The following ELF1 variants were observed in gnomAD, a reference collection of about 807,000 sequenced individuals.
ELF1 encodes ETS-related transcription factor Elf-1.
In ELF1, 24 loss-of-function variants were observed where a neutral mutation model predicts 59.9. The ratio of observed to expected loss-of-function variants is 0.40; its 90% confidence interval spans 0.29 to 0.56. The LOEUF (loss-of-function observed/expected upper bound fraction) is 0.56. ELF1 is among the 20% of genes least tolerant of loss of function. The pLI is 0.44. For missense variants in ELF1, 627 were observed against 742.2 expected, an observed-to-expected ratio of 0.84 and a Z score of 1.80; for synonymous variants, 248 against 266.2, an observed-to-expected ratio of 0.93 and a Z score of 0.67.
chr13:41,005,243 G>A (rs867539044), intron 1 of ELF1, among the ~76,000 whole-genome samples: 4 of 151,922 alleles, frequency 2.6e-5, no homozygotes, highest in Admixed American at 1.3e-4. Flanking sequence ...CAATATGCAC[G>A]CAAAGACTCA....
intron 1 of ELF1, among the ~76,000 whole-genome samples, chr13:40,988,140 A>G (rs1366534963): frequency 6.6e-6 from 1 of 152,220 alleles, no homozygotes; most frequent in Admixed American, 6.5e-5. Flanking sequence ...CCCAGCAGAA[A>G]TGAAGTCAGT....
At chr13:40,958,465 AG>A (rs1275160756) in intron 3 of ELF1, among the ~76,000 whole-genome samples, 1 of 152,028 alleles carries the variant, frequency 6.6e-6, no homozygotes, top group African/African-American at 2.4e-5. Flanking sequence ...AGGCTAAGGC[AG>A]GAGGATCACT....
upstream of ELF1, among the ~76,000 whole-genome samples, chr13:41,022,618 C>G (rs1418068690): frequency 6.6e-6 from 1 of 152,212 alleles, no homozygotes; most frequent in Admixed American, 6.5e-5. Context: ...CGTTGGCTCA[C>G]GCTTGTAATC....
At chr13:41,044,328 A>C (rs969278316) in intron 1 of ELF1, among the ~76,000 whole-genome samples, 1 of 152,152 alleles carries the variant, frequency 6.6e-6, no homozygotes, top group African/African-American at 2.4e-5. Flanking sequence ...AACTTCCAAC[A>C]CTATGTGGAA....
At chr13:40,975,234 T>G (rs1008458412) in intron 2 of ELF1, among the ~76,000 whole-genome samples, 15 of 152,160 alleles carry the variant, frequency 9.9e-5, no homozygotes, top group African/African-American at 3.4e-4. Context: ...CCTTCTACCT[T>G]ACTTTATGAG....
At chr13:40,964,051 T>A (rs886211385) in intron 2 of ELF1, among the ~76,000 whole-genome samples, 3 of 152,098 alleles carry the variant, frequency 2.0e-5, no homozygotes, top group African/African-American at 7.2e-5. Flanking sequence ...AAATGCACAC[T>A]CCTGAAACTC....
At chr13:41,014,655 A>G (rs1875254360) in intron 1 of ELF1, among the ~76,000 whole-genome samples, 1 of 152,188 alleles carries the variant, frequency 6.6e-6, no homozygotes. Context: ...GAGTTGACTC[A>G]ATAATGGTAC....
rs76892331 is a variant in ELF1, at chr13:41,048,510, C to T, written c.-229+12328G>A. On this transcript the variant is annotated intron_variant, in intron 1 of 1. Transcript: ENST00000405737. ...CACAGCTTACTGCAGCCTTGACCTC[C>T]AGGGCTCGAGTGATCTCACCTCAGC... Among the ~76,000 whole-genome samples, 544 of 152,162 alleles carry T rather than the reference C, an allele frequency of 3.6e-3. 23 individuals carry two copies. The East Asian group carries it at 0.093, about 26-fold the overall frequency.
At chr13:41,016,929 AAAAAAAAAAAAAAAAAAAAT>A (rs1176268259) in intron 1 of ELF1, among the ~76,000 whole-genome samples, 4 of 85,730 alleles carry the variant, frequency 4.7e-5, no homozygotes, top group Non-Finnish European at 9.3e-5. Flanking sequence ...AAAAAAAAAA[AAAAAAAAAAAAAAAAAAAAT>A]ATATATATAT....
At position 40,969,716 on chromosome 13, in the gene ELF1, T is replaced by A. The variant is rs967128524; in HGVS notation, c.73-10700A>T. On this transcript the variant is annotated intron_variant, in intron 2 of 8. Transcript: ENST00000239882. ...AAACTGTTTAAATTAGTTCATTAAA[T>A]TTTTAAGACAGGGTCTCTGTCAGTG... Among the ~76,000 whole-genome samples the A allele has an allele frequency of 1.1e-4, 17 of 152,162 alleles. 1 individual carries two copies. The highest frequency in any genetic ancestry group is 3.9e-4 in the African/African-American group (16 of 41,440).
chr13:41,031,818 CAAAAAAAA>C lies in ELF1; in HGVS notation c.-229+29012_-229+29019del, dbSNP rs3072004. ...TGGGCAACAGAGCAAGACTCCGTGT[CAAAAAAAA>C]AAAAAAAAAAAAAAGTCTCCTCATC... On this transcript the variant is annotated intron_variant, in intron 1 of 1. Coordinates refer to the ELF1 transcript ENST00000405737. Among the ~76,000 whole-genome samples the C allele has an allele frequency of 3.4e-3, 276 of 82,192 alleles. 4 individuals are homozygous for C. The East Asian group carries it at 0.075, about 22-fold the overall frequency. The allele number at this position is 82,192 out of a possible 152,430, so 53.9% of individuals were successfully genotyped here. A position where few individuals can be genotyped will look rare whatever the true frequency, so the allele number is the denominator to read the frequency against.
rs185389908 is a variant in ELF1, at chr13:41,042,157, G to C, written c.-229+18681C>G. On this transcript the variant is annotated intron_variant, in intron 1 of 1. Coordinates refer to the ELF1 transcript ENST00000405737. Reference sequence around the variant, plus strand: ...CCTACCTGAGCCTCCTGAGTACCTAGGATTACAGCTGCATGCCACCACACC... The same window carrying C: ...CCTACCTGAGCCTCCTGAGTACCTACGATTACAGCTGCATGCCACCACACC... Among the ~76,000 whole-genome samples, 369 of 152,214 alleles carry C rather than the reference G, an allele frequency of 2.4e-3. 2 individuals carry two copies. The highest frequency in any genetic ancestry group is 8.5e-3 in the African/African-American group (354 of 41,528).
chr13:40,945,734 G>A (rs968665818), intron 5 of ELF1, among the ~76,000 whole-genome samples: 1 of 152,152 alleles, frequency 6.6e-6, no homozygotes, highest in Non-Finnish European at 1.5e-5. Flanking sequence ...CTCCATGTCT[G>A]TAACTGTTTC....
At chr13:41,019,459 T>C (rs1035832812), upstream of ELF1, 2 of 953,434 alleles carry the variant, frequency 2.1e-6, no homozygotes, top group African/African-American at 3.5e-5. Context: ...TATAGGAAAG[T>C]GGGGATGAAG....
At position 41,035,878 on chromosome 13, in the gene ELF1, C is replaced by T. The variant is rs954403887; in HGVS notation, c.-229+24960G>A. Among the ~76,000 whole-genome samples the T allele has an allele frequency of 1.1e-4, 17 of 149,534 alleles. No homozygotes were observed. In the East Asian group the frequency reaches 1.9e-3, roughly 17 times the overall value. On this transcript the variant is annotated intron_variant, in intron 1 of 1. Transcript: ENST00000405737. ...CAACAACAACAACAACAAAAATTGA[C>T]GACAACAAAAAACCTTTTCTTTTTT...
At chr13:40,970,370 C>G (rs1036688606) in intron 2 of ELF1, among the ~76,000 whole-genome samples, 9 of 152,156 alleles carry the variant, frequency 5.9e-5, no homozygotes, top group African/African-American at 2.2e-4. Flanking sequence ...GATTCTAATA[C>G]AGGTCTCCTA....
chr13:40,985,901 CT>C (rs1229300521), intron 1 of ELF1, among the ~76,000 whole-genome samples: 1 of 152,032 alleles, frequency 6.6e-6, no homozygotes, highest in Admixed American at 6.5e-5. Flanking sequence ...AAGTGTCAGT[CT>C]TTATAAAGTA....
At chr13:41,033,184 G>A (rs568323552) in intron 1 of ELF1, among the ~76,000 whole-genome samples, 1 of 152,346 alleles carries the variant, frequency 6.6e-6, no homozygotes, top group East Asian at 1.9e-4. Flanking sequence ...GCAACTAGCT[G>A]TGTAGCCTCA....
intron 2 of ELF1, among the ~76,000 whole-genome samples, chr13:40,963,448 C>T (rs1275654434): frequency 2.0e-5 from 3 of 152,232 alleles, no homozygotes; most frequent in African/African-American, 7.2e-5. Flanking sequence ...TTTAGTCCTA[C>T]AGCCTTCTCC....
Sources: gnomAD v4.1 joint callset for allele counts (sites outside exome capture counted in the v4.1 genomes callset) on GRCh38, gnomAD v4.1.1 for gene constraint, MANE v1.5 for transcripts, NCBI Gene and HGNC (gene_info 2026-07-23, HGNC 2026-07-21) for gene names.